ZNF827: variants seen among roughly 807,000 people sequenced by gnomAD.
The protein encoded by ZNF827 is zinc finger protein 827.
A neutral mutation model predicts 102.4 loss-of-function variants in ZNF827; 13 were observed. The ratio of observed to expected loss-of-function variants is 0.13; its 90% CI spans 0.08 to 0.20. The LOEUF (loss-of-function observed/expected upper bound fraction) is 0.20, where lower values mean the gene tolerates loss of function less well. Ranked by LOEUF, ZNF827 falls within the 10% of genes least tolerant of loss-of-function variation. ZNF827 has a pLI of 1.00. For synonymous variants in ZNF827, 523 were observed against 536.2 expected (o/e 0.98, Z 0.34); for missense variants, 1,103 against 1,344.4 (o/e 0.82, Z 2.81).
chr4:145,908,232 T>C (rs1344831785), intron 1 of ZNF827, among the ~76,000 whole-genome samples: 1 of 152,206 alleles, frequency 6.6e-6, no homozygotes, highest in African/African-American at 2.4e-5. Flanking sequence ...GAAGGAAGCC[T>C]AAAAGTCCCA....
chr4:145,834,531 C>T (rs1052063235), intron 7 of ZNF827, among the ~76,000 whole-genome samples: 5 of 152,124 alleles, frequency 3.3e-5, no homozygotes, highest in African/African-American at 9.7e-5. Flanking sequence ...CTTACAGTTT[C>T]GTTCCGTGAC....
chr4:145,797,655 G>A (rs954712227), intron 8 of ZNF827, among the ~76,000 whole-genome samples: 2 of 152,168 alleles, frequency 1.3e-5, no homozygotes, highest in Non-Finnish European at 2.9e-5. Context: ...GATGATATGA[G>A]TAGAATCCTT....
intron 2 of ZNF827, among the ~76,000 whole-genome samples, chr4:145,899,853 T>A (rs1751277981): frequency 6.6e-6 from 1 of 152,182 alleles, no homozygotes; most frequent in Non-Finnish European, 1.5e-5. Context: ...GCTGAGAAGT[T>A]CCTTTCCCTC....
intron 1 of ZNF827, among the ~76,000 whole-genome samples, chr4:145,909,408 C>G (rs929993232): frequency 4.6e-5 from 7 of 152,246 alleles, no homozygotes; most frequent in Admixed American, 1.3e-4. Context: ...ACCATCAGGG[C>G]TCTCTCTCAT....
At position 145,904,351 on chromosome 4, in the gene ZNF827, A is replaced by G. The variant is rs148517941; in HGVS notation, c.44-1136T>C. Among the ~76,000 whole-genome samples the G allele has an allele frequency of 7.2e-5, 11 of 152,334 alleles. No individual in the cohort carries two copies. The East Asian group carries it at 2.1e-3, about 29-fold the overall frequency. ...GGAAGACAAGTGTCAAACAAAATTA[A>G]TAAATGGGTAAATAACATAGCATGC... On this transcript the variant is annotated intron_variant, in intron 1 of 14. Coordinates refer to ENST00000508784, the MANE Select transcript of ZNF827 (RefSeq NM_001306215.2).
intron 8 of ZNF827, among the ~76,000 whole-genome samples, chr4:145,806,624 G>C (rs997000724): frequency 6.6e-6 from 1 of 151,796 alleles, no homozygotes; most frequent in East Asian, 1.9e-4. Context: ...AATAATCTAA[G>C]GGGAAAGTTA....
At chr4:145,791,938 G>A (rs898817064) in intron 8 of ZNF827, among the ~76,000 whole-genome samples, 6 of 152,286 alleles carry the variant, frequency 3.9e-5, no homozygotes, top group Non-Finnish European at 5.9e-5. Context: ...ACTAGGAAGC[G>A]TATGTACTCT....
At chr4:145,812,018 G>A (rs1467982523) in intron 8 of ZNF827, among the ~76,000 whole-genome samples, 2 of 151,756 alleles carry the variant, frequency 1.3e-5, no homozygotes, top group African/African-American at 4.8e-5. Flanking sequence ...GGGTTCAAGC[G>A]ATTCTCCTGC....
chr4:145,801,070 A>G (rs2127104372), intron 8 of ZNF827, among the ~76,000 whole-genome samples: 1 of 152,334 alleles, frequency 6.6e-6, no homozygotes, highest in Admixed American at 6.5e-5. Context: ...AGGTAGTAAA[A>G]AAGTCATAGG....
At chr4:145,937,624 T>C (rs1754302334) in intron 1 of ZNF827, among the ~76,000 whole-genome samples, 1 of 143,954 alleles carries the variant, frequency 6.9e-6, no homozygotes, top group Admixed American at 6.8e-5. Flanking sequence ...CGGCGGCGCG[T>C]GTGTACCCGT....
intron 8 of ZNF827, among the ~76,000 whole-genome samples, chr4:145,805,585 C>A (rs1741342767): frequency 6.6e-6 from 1 of 152,154 alleles, no homozygotes; most frequent in Non-Finnish European, 1.5e-5. Flanking sequence ...TCCCATTAAG[C>A]CTTTCAGAGG....
chr4:145,811,536 G>C (rs557265825), intron 8 of ZNF827, among the ~76,000 whole-genome samples: 1 of 152,204 alleles, frequency 6.6e-6, no homozygotes, highest in African/African-American at 2.4e-5. Context: ...TGTGCAGCTT[G>C]ACAGCTGTAG....
At chr4:145,900,230 T>G (rs1436423336) in intron 2 of ZNF827, among the ~76,000 whole-genome samples, 4 of 152,178 alleles carry the variant, frequency 2.6e-5, no homozygotes. Context: ...AGTCTGGGCT[T>G]CAGGAAACAT....
intron 7 of ZNF827, among the ~76,000 whole-genome samples, chr4:145,829,917 G>C (rs1744041757): frequency 6.6e-6 from 1 of 152,172 alleles, no homozygotes; most frequent in Admixed American, 6.5e-5. Context: ...GAATCACTTA[G>C]ACCTTGAGAA....
At chr4:145,768,531 A>AAGAATG (rs1735667478) in intron 11 of ZNF827, among the ~76,000 whole-genome samples, 1 of 152,086 alleles carries the variant, frequency 6.6e-6, no homozygotes, top group Admixed American at 6.5e-5. Flanking sequence ...CAAGAGACTT[A>AAGAATG]AGAATGTTAA....
chr4:145,915,009 A>G (rs1307523765), intron 1 of ZNF827, among the ~76,000 whole-genome samples: 1 of 152,212 alleles, frequency 6.6e-6, no homozygotes, highest in Non-Finnish European at 1.5e-5. Flanking sequence ...GGTAATTTAT[A>G]AGGAACAGAA....
At chr4:145,901,220 G>C (rs548230176) in intron 2 of ZNF827, among the ~76,000 whole-genome samples, 4 of 152,262 alleles carry the variant, frequency 2.6e-5, no homozygotes, top group African/African-American at 9.6e-5. Context: ...TGTTTGTACC[G>C]ATGAGGATGC....
At chr4:145,841,208 C>G (rs1189153831) in intron 7 of ZNF827, among the ~76,000 whole-genome samples, 1 of 152,204 alleles carries the variant, frequency 6.6e-6, no homozygotes, top group East Asian at 1.9e-4. Flanking sequence ...TGGTGTTACA[C>G]AACATTGAGC....
chr4:145,898,591 A>C (rs945581510), intron 2 of ZNF827, among the ~76,000 whole-genome samples: 11 of 152,230 alleles, frequency 7.2e-5, no homozygotes, highest in African/African-American at 2.7e-4. Context: ...GCAAACGGAC[A>C]TAATCTTCCC....
Sources: allele counts gnomAD v4.1 joint callset (sites outside exome capture counted in the v4.1 genomes callset), GRCh38; gene constraint gnomAD v4.1.1; transcripts MANE v1.5; gene names NCBI Gene and HGNC (gene_info 2026-07-23, HGNC 2026-07-21).